Variants in RELCH observed in about 807,000 individuals in gnomAD.
The protein encoded by RELCH is RAB11-binding protein RELCH.
A neutral mutation model predicts 150.3 loss-of-function variants in RELCH; 41 were observed. The ratio of observed to expected loss-of-function variants is 0.27; its 90% CI spans 0.21 to 0.35. The LOEUF is 0.35. Among genes scored for constraint, RELCH ranks in the 10% least tolerant of loss-of-function variants. The pLI, the probability that RELCH is intolerant of heterozygous loss-of-function variation, is 1.00. For missense variants in RELCH, 1,092 were observed against 1,467.8 expected (o/e 0.74, Z 4.18); for synonymous variants, 478 against 531.8 (o/e 0.90, Z 1.39).
intron 1 of RELCH, among the ~76,000 whole-genome samples, chr18:62,207,479 G>C (rs2039877545): frequency 6.6e-6 from 1 of 152,146 alleles, no homozygotes; most frequent in East Asian, 1.9e-4. Context: ...ACAAGATTTT[G>C]TGTGGACATA....
chr18:62,220,365 ATTTT>A (rs377746154), intron 2 of RELCH, among the ~76,000 whole-genome samples: 8 of 128,144 alleles, frequency 6.2e-5, no homozygotes, highest in African/African-American at 2.3e-4. Context: ...GGGGTTTTGG[ATTTT>A]TTTTTTTTTT....
At chr18:62,304,672 G>T (rs1018720262) in intron 28 of RELCH, among the ~76,000 whole-genome samples, 1 of 152,236 alleles carries the variant, frequency 6.6e-6, no homozygotes. Context: ...CAGGACAGTT[G>T]TCAGGTCATT....
At chr18:62,207,091 C>T (rs1474704102) in intron 1 of RELCH, among the ~76,000 whole-genome samples, 13 of 152,010 alleles carry the variant, frequency 8.6e-5, no homozygotes, top group Admixed American at 7.9e-4. Context: ...TCTACTTTTG[C>T]AGCCTGTTCA....
At chr18:62,295,138 G>T (rs1384841682) in intron 27 of RELCH, among the ~76,000 whole-genome samples, 1 of 152,102 alleles carries the variant, frequency 6.6e-6, no homozygotes, top group Admixed American at 6.5e-5. Context: ...ATATTGACAA[G>T]TTCCAAGAAG....
intron 16 of RELCH, among the ~76,000 whole-genome samples, chr18:62,263,046 T>C (rs2043354734): frequency 6.6e-6 from 1 of 152,076 alleles, no homozygotes; most frequent in Non-Finnish European, 1.5e-5. Context: ...TGTTTCTGTG[T>C]CCAGATTTTC....
intron 16 of RELCH, among the ~76,000 whole-genome samples, chr18:62,263,360 C>T (rs1405625859): frequency 6.6e-6 from 1 of 151,992 alleles, no homozygotes; most frequent in African/African-American, 2.4e-5. Context: ...TCCCTTCTAA[C>T]ATTTATGTGA....
chr18:62,218,204 G>A (rs2040605796), intron 2 of RELCH, among the ~76,000 whole-genome samples: 1 of 151,726 alleles, frequency 6.6e-6, no homozygotes, highest in African/African-American at 2.4e-5. Flanking sequence ...TTATAGTCAG[G>A]AAAAAAATTC....
At chr18:62,287,980 A>G (rs2044901047) in intron 26 of RELCH, among the ~76,000 whole-genome samples, 1 of 152,144 alleles carries the variant, frequency 6.6e-6, no homozygotes, top group South Asian at 2.1e-4. Context: ...GAGATCATGT[A>G]GGTCCATGTC....
rs1239543593 is a variant in RELCH at position 62,309,300 on chromosome 18, A to G, written c.*3766A>G. 1 of 152,016 alleles carries G rather than the reference A, an allele frequency of 6.6e-6. No homozygotes were observed. The highest frequency in any genetic ancestry group is 1.5e-5 in the Non-Finnish European group (1 of 67,994). The allele number at this position is 152,016 out of a possible 1,614,324, so 9.4% of individuals were successfully genotyped here. ...AATAATGTATCAGGTAAGTTTCTGCATATTGGTAAAAAAATTGAATTTTAG... is the reference window on the plus strand; with the variant it reads ...AATAATGTATCAGGTAAGTTTCTGCGTATTGGTAAAAAAATTGAATTTTAG... On this transcript the variant is annotated 3_prime_UTR_variant, in exon 29 of 29. Coordinates refer to ENST00000644646, the MANE Select transcript of RELCH (RefSeq NM_001346231.2).
chr18:62,296,260 C>T (rs1489093217), intron 27 of RELCH, among the ~76,000 whole-genome samples: 1 of 152,134 alleles, frequency 6.6e-6, no homozygotes, highest in Non-Finnish European at 1.5e-5. Context: ...TTGTGACCTG[C>T]TTGTTTCATC....
chr18:62,202,849 C>G (rs912804035), intron 1 of RELCH, among the ~76,000 whole-genome samples: 4 of 152,092 alleles, frequency 2.6e-5, no homozygotes, highest in African/African-American at 7.2e-5. Flanking sequence ...CAGCCAACAC[C>G]ATACCTAACA....
At chr18:62,256,877 G>T (rs2043015941) in intron 13 of RELCH, among the ~76,000 whole-genome samples, 1 of 151,974 alleles carries the variant, frequency 6.6e-6, no homozygotes, top group Non-Finnish European at 1.5e-5. Context: ...ATATTTTAGG[G>T]CAATTTTTAG....
Position 62,258,052 on chromosome 18 carries a change from T to C in RELCH, c.2001T>C (p.Ile667=), listed in dbSNP as rs1234193577. 1.9e-6 allele frequency: 3 copies of C among 1,606,602 alleles called. No homozygotes were observed. The highest frequency in any genetic ancestry group is 1.7e-4 in the Middle Eastern group (1 of 5,852). The change falls in exon 14 of 29, where the codon ATT becomes ATC. Residue 667 remains isoleucine, a synonymous_variant. Coordinates refer to ENST00000644646, the MANE Select transcript of RELCH (RefSeq NM_001346231.2). ...CTGTTATCAAAAGCCTTGGTATCAT[T>C]ATGGGATACATTGATGATCCAGACA... The part of the protein sequence containing the change: ...REAVIKSLGI[I]MGYIDDPDKY...
chr18:62,243,801 T>C (rs1202884333), intron 10 of RELCH, among the ~76,000 whole-genome samples: 1 of 152,072 alleles, frequency 6.6e-6, no homozygotes, highest in Non-Finnish European at 1.5e-5. Context: ...ACAATAGTGA[T>C]CAATTTCTAT....
chr18:62,221,303 A>T (rs951408362), intron 4 of RELCH, 29 bp downstream of exon 4: 2 of 1,563,856 alleles, frequency 1.3e-6, no homozygotes, highest in Non-Finnish European at 1.8e-6. Context: ...ATGTAAAATT[A>T]ATCTTCCACA....
chr18:62,255,366 T>A (rs768923111), intron 12 of RELCH, 41 bp from the exon 13 acceptor site: 13 of 1,229,740 alleles, frequency 1.1e-5, no homozygotes, highest in Non-Finnish European at 1.6e-5. Flanking sequence ...GAAGGGAGGG[T>A]ATGCTGTTTA....
intron 1 of RELCH, among the ~76,000 whole-genome samples, chr18:62,199,100 G>A (rs1481430316): frequency 2.0e-5 from 3 of 150,102 alleles, no homozygotes; most frequent in Non-Finnish European, 4.4e-5. Context: ...TGGTATCCTT[G>A]TCCACATTAT....
chr18:62,274,165 C>G, intron 21 of RELCH, 79 bp downstream of exon 21: 1 of 872,742 alleles, frequency 1.1e-6, no homozygotes, highest in Non-Finnish European at 1.8e-6. Context: ...TATTTTAAGT[C>G]TAAAAGAGTT....
intron 11 of RELCH, among the ~76,000 whole-genome samples, chr18:62,251,025 G>C (rs956686783): frequency 5.9e-5 from 9 of 152,136 alleles, no homozygotes; most frequent in Non-Finnish European, 1.3e-4. Flanking sequence ...AGTCATTTTA[G>C]ATGGAACTTC....
Sources: gnomAD v4.1 joint callset for allele counts (sites outside exome capture counted in the v4.1 genomes callset) on GRCh38, gnomAD v4.1.1 for gene constraint, MANE v1.5 for transcripts, NCBI Gene and HGNC (gene_info 2026-07-23, HGNC 2026-07-21) for gene names.